The following INTS7 variants were observed in gnomAD, a reference collection of about 807,000 sequenced individuals.
INTS7 encodes the protein chromosome 1 open reading frame 73.
INTS7 carries 46 observed loss-of-function variants against 109.2 expected under a neutral mutation model. The observed-to-expected ratio is 0.42, with a 90% CI of 0.33 to 0.54. The LOEUF is 0.54. Ranked by LOEUF, INTS7 falls within the 20% of genes least tolerant of loss-of-function variation. The pLI, the probability that INTS7 is intolerant of heterozygous loss-of-function variation, is 0.07. For synonymous variants in INTS7, 412 were observed against 402.9 expected (o/e 1.02, Z -0.27); for missense variants, 929 against 1,132.4 (o/e 0.82, Z 2.58).
chr1:211,962,238 CAG>C (rs1449955066), intron 16 of INTS7, among the ~76,000 whole-genome samples: 2 of 94,308 alleles, frequency 2.1e-5, no homozygotes, highest in Non-Finnish European at 4.3e-5. Flanking sequence ...TCAGACAAAA[CAG>C]ACTTTAAACC....
chr1:212,007,474 G>GT, intron 5 of INTS7, 25 bp from the exon 6 acceptor site: 1 of 1,558,808 alleles, frequency 6.4e-7, no homozygotes, highest in Non-Finnish European at 8.8e-7. Flanking sequence ...AATTCTCAAG[G>GT]TATTTGTGAT....
chr1:211,952,463 A>G (rs994702207), intron 17 of INTS7, 106 bp downstream of exon 17: 13 of 1,132,450 alleles, frequency 1.1e-5, no homozygotes, highest in Non-Finnish European at 1.7e-5. Context: ...GGATAAGGAA[A>G]CAGGCACAGA....
chr1:212,035,061 A>G (rs1667365927), intron 1 of INTS7, among the ~76,000 whole-genome samples: 1 of 152,212 alleles, frequency 6.6e-6, no homozygotes, highest in African/African-American at 2.4e-5. Context: ...AGCCACTGTC[A>G]CTGCTTAGAA....
In INTS7 at chr1:211,941,983, C is replaced by CA; in HGVS notation, c.2729dup (p.Lys911GlufsTer57). ...TCCATACTATACCATTGGCATCTTTCACAGAAGATTCCACTGTAATGTTGT... is the reference window on the plus strand; with the variant it reads ...TCCATACTATACCATTGGCATCTTTCAACAGAAGATTCCACTGTAATGTTGT... On this transcript the variant is annotated frameshift_variant, in exon 20 of 20. Transcript: ENST00000366994. LOFTEE classifies it high-confidence loss of function. 1 of 1,614,154 alleles carries CA rather than the reference C, an allele frequency of 6.2e-7. No individual in the cohort carries two copies. The highest frequency in any genetic ancestry group is 8.5e-7 in the Non-Finnish European group (1 of 1,180,016).
chr1:212,026,025 T>G (rs941679826), intron 1 of INTS7, among the ~76,000 whole-genome samples: 1 of 152,052 alleles, frequency 6.6e-6, no homozygotes, highest in Non-Finnish European at 1.5e-5. Flanking sequence ...GGCAGGCACC[T>G]GTAATCACAG....
intron 1 of INTS7, among the ~76,000 whole-genome samples, chr1:212,034,806 C>T (rs1397865365): frequency 6.6e-6 from 1 of 152,206 alleles, no homozygotes; most frequent in Non-Finnish European, 1.5e-5. Context: ...CACCAAGCTG[C>T]TCCCTGTACG....
rs1457936544 is a variant in INTS7 at position 211,975,229 on chromosome 1, A to G, written c.1752T>C (p.Ser584=). 2 of 1,614,018 alleles carry G rather than the reference A, an allele frequency of 1.2e-6. No individual in the cohort carries two copies. The highest frequency in any genetic ancestry group is 1.7e-5 in the Admixed American group (1 of 60,026). ...ATTCAGCAATGCAAGAAAGTGCTGA[A>G]CTATAATTTTCCTCTTGCAACCCAG... The part of the protein sequence containing the change: ...CLTGLQEENY[S]SALSCIAESL... Residue 584 remains serine (S), a synonymous_variant, in exon 13 of 20, where the codon AGT becomes AGC. Coordinates refer to ENST00000366994, the MANE Select transcript of INTS7 (RefSeq NM_015434.4).
rs1224774558 is a variant in INTS7, at chr1:211,978,370, T to C, written c.1372A>G (p.Met458Val). ...LMCHCLAAIA[M>V]QLPVLGDGML... ...CCATCACCCAGCACCGGCAGTTGCA[T>C]GGCAATGGCTGCCAGGCAATGGCAC... The change falls in exon 11 of 20, where the codon ATG becomes GTG. Residue 458 changes from methionine to valine, a missense_variant. Physicochemically the swap from Met to Val is conservative, Grantham distance 21. This residue lies in a region of INTS7 where 787 missense variants were observed against 901.1 expected (regional missense o/e 0.87). Coordinates refer to ENST00000366994, the MANE Select transcript of INTS7 (RefSeq NM_015434.4). 1.2e-6 allele frequency: 2 copies of C among 1,614,074 alleles called. No homozygotes were observed. Among genetic ancestry groups the C allele is most frequent in the African/African-American group, 1.3e-5 (1 of 74,932 alleles).
At chr1:211,978,889 T>A (rs966703738) in intron 10 of INTS7, among the ~76,000 whole-genome samples, 4 of 152,128 alleles carry the variant, frequency 2.6e-5, no homozygotes, top group Non-Finnish European at 5.9e-5. Flanking sequence ...TGCCAGCATC[T>A]CCCAGAATGA....
chr1:212,010,775 C>A lies in INTS7; in HGVS notation c.556+600G>T, dbSNP rs560507115. On this transcript the variant is annotated intron_variant, in intron 5 of 19. Transcript: ENST00000366994. ...GTTGTATAGGCTTAGAGCCTAGGAA[C>A]AATAGGCTATACCATACAGCCTAAG... is the stretch of plus-strand genomic sequence containing the variant. Among the ~76,000 whole-genome samples, 20 of 152,300 alleles carry A rather than the reference C, an allele frequency of 1.3e-4. 1 individual carries two copies. In the South Asian group the frequency reaches 3.7e-3, roughly 28 times the overall value.
intron 8 of INTS7, among the ~76,000 whole-genome samples, chr1:211,983,778 T>C (rs1664766949): frequency 6.6e-6 from 1 of 152,170 alleles, no homozygotes; most frequent in Non-Finnish European, 1.5e-5. Context: ...ATGGTCACTT[T>C]GTTGATTTCT....
rs748485548 is a variant in INTS7 at position 211,952,608 on chromosome 1, T to C, written c.2277A>G (p.Val759=). ...GGGTATATTTCCGATTGAGTGATTC[T>C]ACCTCCTCCAAGACATGATTATATA... ...MSVYNHVLEE[V]ESLNRKYTPV... is the part of the protein sequence containing the mutation. Residue 759 remains valine (V), a synonymous_variant, in exon 17 of 20, where the codon GTA becomes GTG. Transcript: ENST00000366994. 6.8e-6 allele frequency: 11 copies of C among 1,613,392 alleles called. No homozygotes were observed. In the South Asian group the frequency reaches 1.1e-4, roughly 16 times the overall value.
At chr1:211,988,865 C>T (rs976629235) in intron 7 of INTS7, among the ~76,000 whole-genome samples, 6 of 152,184 alleles carry the variant, frequency 3.9e-5, no homozygotes, top group Non-Finnish European at 7.4e-5. Context: ...TTACTCTACT[C>T]TTGACCAGGT....
At chr1:211,969,749 G>A (rs1161251660) in intron 13 of INTS7, among the ~76,000 whole-genome samples, 3 of 146,802 alleles carry the variant, frequency 2.0e-5, no homozygotes, top group South Asian at 2.1e-4. Context: ...AGACAGTTTC[G>A]CTCTTGTTGC....
chr1:211,994,234 GA>G (rs1433474542), intron 7 of INTS7, among the ~76,000 whole-genome samples: 2 of 152,034 alleles, frequency 1.3e-5, no homozygotes, highest in African/African-American at 2.4e-5. Flanking sequence ...TGGTAATTGT[GA>G]GTAAAATTCA....
At position 211,981,143 on chromosome 1, in the gene INTS7, G is replaced by A. The variant is rs760234781; in HGVS notation, c.1180C>T (p.Leu394=). ...CTATCATCTTGACTACAAAGTACCA[G>A]TAGGGATTCCAGGCCAAAGACAGCA... The part of the protein sequence containing the change: ...QDAVFGLESL[L]VLCSQDDSPG... The change falls in exon 10 of 20, where the codon CTG becomes TTG. Residue 394 remains leucine (L), a synonymous_variant. Coordinates refer to ENST00000366994, the MANE Select transcript of INTS7 (RefSeq NM_015434.4). The A allele has an allele frequency of 1.9e-6, 3 of 1,613,468 alleles. No individual in the cohort carries two copies. The highest frequency in any genetic ancestry group is 2.7e-5 in the African/African-American group (2 of 74,900).
Position 211,946,768 on chromosome 1 carries a change from A to G in INTS7, c.2317-63T>C. The stretch of plus-strand genomic sequence containing the variant: ...TTTTCAAATTTCATCAACAAGTGGT[A>G]CATTCAGTATAAAACTACAAATGCC... On this transcript the variant is annotated intron_variant, in intron 17 of 19. Coordinates refer to ENST00000366994, the MANE Select transcript of INTS7 (RefSeq NM_015434.4). This position sits in a 1 kb window ranked among gnomAD's most constrained non-coding sequence, Gnocchi z 4.3. 1 of 1,145,726 alleles carries G rather than the reference A, an allele frequency of 8.7e-7. No homozygotes were observed. Among genetic ancestry groups the G allele is most frequent in the Non-Finnish European group, 1.3e-6 (1 of 777,464 alleles). The allele number at this position is 1,145,726 out of a possible 1,614,324, so 71.0% of individuals were successfully genotyped here.
At chr1:212,014,075 G>C (rs1469671657) in intron 4 of INTS7, among the ~76,000 whole-genome samples, 2 of 152,136 alleles carry the variant, frequency 1.3e-5, no homozygotes, top group East Asian at 3.8e-4. Flanking sequence ...AATTACTGCT[G>C]CATCTATTAA....
intron 7 of INTS7, among the ~76,000 whole-genome samples, chr1:212,005,461 A>C (rs1439221236): frequency 6.6e-6 from 1 of 152,200 alleles, no homozygotes; most frequent in East Asian, 1.9e-4. Flanking sequence ...AAGTATTTAA[A>C]ATATTTATAC....
Sources: gnomAD v4.1 joint callset for allele counts (sites outside exome capture counted in the v4.1 genomes callset) on GRCh38, gnomAD v4.1.1 for gene constraint, gnomAD v4.1.1 regional missense constraint, Gnocchi (gnomAD v3.1) non-coding constraint, MANE v1.5 for transcripts, NCBI Gene and HGNC (gene_info 2026-07-23, HGNC 2026-07-21) for gene names.